Variants in DEDD2 observed in about 807,000 individuals in gnomAD.
DEDD2 encodes death effector domain containing 2, also known as DNA-binding death effector domain-containing protein 2.
DEDD2 carries 18 observed loss-of-function variants against 28.9 expected under a neutral mutation model. The observed-to-expected ratio is 0.62, with a 90% CI of 0.43 to 0.92. The LOEUF (loss-of-function observed/expected upper bound fraction) is 0.92, where lower values mean the gene tolerates loss of function less well. Among genes scored for constraint, DEDD2 ranks in the 40% least tolerant of loss-of-function variants. DEDD2 has a pLI of 0.00. For synonymous variants in DEDD2, 211 were observed against 206.1 expected, an observed-to-expected ratio of 1.02 and a Z score of -0.20; for missense variants, 411 against 463.3, an observed-to-expected ratio of 0.89 and a Z score of 1.04.
At chr19:42,217,235 C>G (rs1464024818) in intron 1 of DEDD2, among the ~76,000 whole-genome samples, 190 bp from the exon 2 acceptor site, 2 of 151,996 alleles carry the variant, frequency 1.3e-5, no homozygotes, top group Non-Finnish European at 2.9e-5. Context: ...GTCGGGACGC[C>G]GGAGCCCGCT....
rs2035256377 is a variant in DEDD2 at position 42,199,833 on chromosome 19, CAGGGG to C, written c.590-9_590-5del. ...GCTCGAACCCGGAGCCGGATGTCTG[CAGGGG>C]AAGGAGGGATTTGTCAGGGAGGGGG... On this transcript the variant is annotated splice_polypyrimidine_tract_variant and splice_region_variant and intron_variant, in intron 4 of 4. Coordinates refer to ENST00000596251, the MANE Select transcript of DEDD2 (RefSeq NM_133328.4). The surrounding 1 kb of genome is among the most constrained non-coding windows in gnomAD (Gnocchi z 7.4). 1 of 1,582,700 alleles carries C rather than the reference CAGGGG, an allele frequency of 6.3e-7. No homozygotes were observed. The highest frequency in any genetic ancestry group is 1.3e-5 in the African/African-American group (1 of 74,142).
upstream of DEDD2, among the ~76,000 whole-genome samples, chr19:42,219,762 A>G (rs1257272104): frequency 6.6e-6 from 1 of 152,212 alleles, no homozygotes; most frequent in Non-Finnish European, 1.5e-5. Flanking sequence ...TCAAACGAAG[A>G]GTAGGGAGAA....
intron 1 of DEDD2, 115 bp from the exon 2 acceptor site, chr19:42,217,160 C>A: frequency 1.3e-6 from 1 of 755,372 alleles, no homozygotes; most frequent in South Asian, 1.8e-5. Flanking sequence ...TCCCGCACCC[C>A]CAACCGCCTC....
intron 4 of DEDD2, among the ~76,000 whole-genome samples, chr19:42,200,382 GT>G (rs1480352378): frequency 1.1e-4 from 17 of 152,218 alleles, no homozygotes; most frequent in Non-Finnish European, 2.9e-5. Flanking sequence ...TGTTCAATAT[GT>G]ATTTGTGAAG....
chr19:42,201,665 G>C (rs2035336122), intron 4 of DEDD2: 1 of 241,960 alleles, frequency 4.1e-6, no homozygotes, highest in Non-Finnish European at 7.9e-6. Flanking sequence ...TGCTCCCCAA[G>C]ACAACTTCAC....
intron 4 of DEDD2, among the ~76,000 whole-genome samples, chr19:42,206,800 T>C (rs1599763985): frequency 6.6e-6 from 1 of 152,174 alleles, no homozygotes; most frequent in Non-Finnish European, 1.5e-5. Context: ...GAGTCAAGAA[T>C]AGCAGGCCTC....
At chr19:42,217,099 C>T in intron 1 of DEDD2, 54 bp from the exon 2 acceptor site, 1 of 1,314,570 alleles carries the variant, frequency 7.6e-7, no homozygotes, top group Non-Finnish European at 1.1e-6. Context: ...GAGGCCCGAA[C>T]CCCACACCGC....
intron 3 of DEDD2, 91 bp downstream of exon 3, chr19:42,215,042 G>A: frequency 6.5e-7 from 1 of 1,539,958 alleles, no homozygotes; most frequent in Non-Finnish European, 8.8e-7. Context: ...GTGAAAATGA[G>A]ACAGAATAAC....
In DEDD2 at chr19:42,216,977, A is replaced by G; in HGVS notation, c.31T>C (p.Cys11Arg). 1 of 1,598,372 alleles carries G rather than the reference A, an allele frequency of 6.3e-7. No individual in the cohort carries two copies. The highest frequency in any genetic ancestry group is 8.5e-7 in the Non-Finnish European group (1 of 1,173,050). Residue 11 changes from cysteine (C) to arginine (R), a missense_variant, in exon 2 of 5, where the codon TGC (cysteine) becomes CGC (arginine). Physicochemically the swap from Cys to Arg is radical, Grantham distance 180. This residue lies in a region of DEDD2 where 282 missense variants were observed against 273.4 expected (regional missense o/e 1.03). Transcript: ENST00000596251. ...TCCAGGCACTCATCCTCCTCCCAGC[A>G]CGGGGCCGGGGTCGACCCGGATAGC... MALSGSTPAP[C>R]WEEDECLDYY...
At chr19:42,214,819 T>C (rs1017724438) in intron 3 of DEDD2, among the ~76,000 whole-genome samples, 5 of 152,004 alleles carry the variant, frequency 3.3e-5, no homozygotes, top group African/African-American at 4.8e-5. Context: ...AATAAGTTAA[T>C]TGGGGCATGG....
chr19:42,212,722 C>A (rs941604262), intron 3 of DEDD2, among the ~76,000 whole-genome samples: 3 of 152,078 alleles, frequency 2.0e-5, no homozygotes, highest in Non-Finnish European at 4.4e-5. Context: ...GCCTTAGCCT[C>A]CCAAACTGCT....
chr19:42,212,549 C>G lies in DEDD2; in HGVS notation c.448+2584G>C, dbSNP rs145339804. 1.9e-3 allele frequency among the ~76,000 whole-genome samples: 284 copies of G among 151,482 alleles called. 3 individuals carry two copies. The highest frequency in any genetic ancestry group is 6.6e-3 in the African/African-American group (271 of 41,312). ...GCATGATCTCAGCTCACTGCAACCT[C>G]CACCTTCCCAACTCAAGCAATCCTC... On this transcript the variant is annotated intron_variant, in intron 3 of 4. Coordinates refer to ENST00000596251, the MANE Select transcript of DEDD2 (RefSeq NM_133328.4).
intron 3 of DEDD2, among the ~76,000 whole-genome samples, chr19:42,213,740 G>GA (rs1460396427): frequency 1.3e-5 from 2 of 152,140 alleles, no homozygotes; most frequent in African/African-American, 4.8e-5. Context: ...CTGCTAGGGT[G>GA]AAAAAATCAA....
In DEDD2 at chr19:42,209,684, GCCTACAGACA is replaced by G. The variant is rs1347758784; in HGVS notation, c.589+6_589+15del. 2.5e-6 allele frequency: 4 copies of G among 1,603,796 alleles called. No homozygotes were observed. In the African/African-American group the frequency reaches 5.4e-5, roughly 22 times the overall value. ...GGGGCACTCTACATGCATTGCCAAA[GCCTACAGACA>G]CCTACCACAGGTCACTTTGCCTTCA... On this transcript the variant is annotated splice_donor_region_variant and intron_variant, in intron 4 of 4. Coordinates refer to ENST00000596251, the MANE Select transcript of DEDD2 (RefSeq NM_133328.4).
intron 3 of DEDD2, 83 bp downstream of exon 3, chr19:42,215,050 A>G (rs2035910417): frequency 6.4e-7 from 1 of 1,561,304 alleles, no homozygotes; most frequent in African/African-American, 1.4e-5. Flanking sequence ...GAGACAGAAT[A>G]ACCCCTCAGG....
At chr19:42,214,299 T>C (rs1013701834) in intron 3 of DEDD2, among the ~76,000 whole-genome samples, 3 of 151,944 alleles carry the variant, frequency 2.0e-5, no homozygotes, top group African/African-American at 2.4e-5. Flanking sequence ...CTACTAAAAA[T>C]ACAAAAAAAT....
At chr19:42,211,606 A>C (rs1479936713) in intron 3 of DEDD2, among the ~76,000 whole-genome samples, 1 of 152,164 alleles carries the variant, frequency 6.6e-6, no homozygotes, top group Non-Finnish European at 1.5e-5. Flanking sequence ...ACACAAATAA[A>C]ATCTATGTTT....
At chr19:42,202,171 G>A in intron 4 of DEDD2, 1 of 398,280 alleles carries the variant, frequency 2.5e-6, no homozygotes, top group Non-Finnish European at 4.4e-6. Context: ...CTACGACAAA[G>A]AAGGCTCCCA....
upstream of DEDD2, among the ~76,000 whole-genome samples, chr19:42,218,765 G>C (rs1275784109): frequency 6.6e-6 from 1 of 152,278 alleles, no homozygotes; most frequent in Non-Finnish European, 1.5e-5. Context: ...GCGCGCGGTA[G>C]CTCACGTCTG....
Sources: gnomAD v4.1 joint callset for allele counts (sites outside exome capture counted in the v4.1 genomes callset) on GRCh38, gnomAD v4.1.1 for gene constraint, gnomAD v4.1.1 regional missense constraint, Gnocchi (gnomAD v3.1) non-coding constraint, MANE v1.5 for transcripts, NCBI Gene and HGNC (gene_info 2026-07-23, HGNC 2026-07-21) for gene names.